The following NBDY variants were observed in gnomAD, a reference collection of about 807,000 sequenced individuals.
NBDY encodes the protein negative regulator of P-body association.
intron 2 of NBDY, among the ~76,000 whole-genome samples, chrX:56,754,448 T>G (rs1310533002): frequency 9.0e-6 from 1 of 111,511 alleles, no homozygotes; most frequent in East Asian, 2.8e-4. Flanking sequence ...CCATGGAACA[T>G]TCTCCAGGAT....
In NBDY at chrX:56,818,471, TA is replaced by T. The variant is rs1464486096; in HGVS notation, c.*1319del. The stretch of plus-strand genomic sequence containing the variant: ...AGTTATTTTAAAGATTGTATAATAT[TA>T]CTAATCACACATTAGAGTTTTAAAA... On this transcript the variant is annotated 3_prime_UTR_variant, in exon 3 of 3. Coordinates refer to ENST00000374922, the MANE Select transcript of NBDY (RefSeq NM_001348129.2). 1.8e-5 allele frequency: 2 copies of T among 112,063 alleles called. No individual in the cohort carries two copies. The highest frequency in any genetic ancestry group is 3.8e-5 in the Non-Finnish European group (2 of 53,180). 9.2% of individuals were successfully genotyped at this position (112,063 alleles called of 1,213,427 possible). A position where few individuals can be genotyped will look rare whatever the true frequency, so the allele number is the denominator to read the frequency against.
intron 2 of NBDY, among the ~76,000 whole-genome samples, chrX:56,784,308 A>G (rs1341496370): frequency 8.9e-6 from 1 of 111,760 alleles, no homozygotes; most frequent in East Asian, 2.8e-4. Flanking sequence ...ATGGAGCAGC[A>G]AGGAGTTTGG....
At chrX:56,805,809 G>A (rs762133315) in intron 2 of NBDY, among the ~76,000 whole-genome samples, 1 of 111,803 alleles carries the variant, frequency 8.9e-6, no homozygotes, top group Non-Finnish European at 1.9e-5. Flanking sequence ...TACTTTTGGA[G>A]TTTTTCTCCC....
chrX:56,738,482 A>T (rs2069509283), intron 2 of NBDY, among the ~76,000 whole-genome samples: 1 of 112,148 alleles, frequency 8.9e-6, no homozygotes, highest in African/African-American at 3.2e-5. Context: ...GCTTAGTCCC[A>T]CGAGACTGCC....
At chrX:56,799,368 C>T (rs1025405901) in intron 2 of NBDY, among the ~76,000 whole-genome samples, 2 of 113,241 alleles carry the variant, frequency 1.8e-5, no homozygotes, top group African/African-American at 6.4e-5. Context: ...GCCCCAGTCT[C>T]GGCAGTCAGT....
At chrX:56,781,143 A>C (rs1312805455) in intron 2 of NBDY, among the ~76,000 whole-genome samples, 1 of 111,092 alleles carries the variant, frequency 9.0e-6, no homozygotes, top group African/African-American at 3.3e-5. Flanking sequence ...AACATCAATC[A>C]CGTCTGAACT....
chrX:56,786,092 T>C (rs1385170065), intron 2 of NBDY, among the ~76,000 whole-genome samples: 1 of 111,418 alleles, frequency 9.0e-6, no homozygotes, highest in Non-Finnish European at 1.9e-5. Flanking sequence ...TTTTCTCTGG[T>C]GTCTGATTCA....
chrX:56,756,698 C>A (rs2069613009), intron 2 of NBDY, among the ~76,000 whole-genome samples: 3 of 112,030 alleles, frequency 2.7e-5, no homozygotes, highest in African/African-American at 6.5e-5. Context: ...GGCACAGTTG[C>A]TCACTCCTGT....
intron 2 of NBDY, among the ~76,000 whole-genome samples, chrX:56,741,882 G>A (rs1430854907): frequency 9.0e-6 from 1 of 111,413 alleles, no homozygotes; most frequent in African/African-American, 3.3e-5. Flanking sequence ...TTTGCTTGTG[G>A]GGTATTAATT....
intron 2 of NBDY, among the ~76,000 whole-genome samples, 186 bp from the exon 3 acceptor site, chrX:56,817,134 G>C (rs1268766511): frequency 9.0e-6 from 1 of 111,549 alleles, no homozygotes; most frequent in Non-Finnish European, 1.9e-5. Context: ...AAAAGATGCA[G>C]GTTATTGACA....
At chrX:56,767,514 G>C (rs761714246) in intron 2 of NBDY, among the ~76,000 whole-genome samples, 16 of 112,712 alleles carry the variant, frequency 1.4e-4, no homozygotes, top group African/African-American at 4.5e-4. Context: ...GCGGTAACAC[G>C]AGCTACTCGC....
In NBDY at chrX:56,767,484, G is replaced by C. The variant is rs768456230; in HGVS notation, c.*166+35285G>C. Among the ~76,000 whole-genome samples, 341 of 113,152 alleles carry C rather than the reference G, an allele frequency of 3.0e-3. 1 individual carries two copies. The highest frequency in any genetic ancestry group is 0.011 in the African/African-American group (331 of 31,234). On this transcript the variant is annotated intron_variant, in intron 2 of 2. Transcript: ENST00000374922. Reference sequence around the variant, plus strand: ...GCCGGCTCCCTCAGCTTGCGGGGAGGTGTGGAGGGAGAGCCGCGGGCGGTA... The same window carrying C: ...GCCGGCTCCCTCAGCTTGCGGGGAGCTGTGGAGGGAGAGCCGCGGGCGGTA...
At chrX:56,783,347 G>A (rs1356328531) in intron 2 of NBDY, among the ~76,000 whole-genome samples, 1 of 113,201 alleles carries the variant, frequency 8.8e-6, no homozygotes, top group African/African-American at 3.2e-5. Flanking sequence ...GGGTGGATAG[G>A]GGCTTTCTTG....
chrX:56,730,513 C>CAAAAAAAAAAAAAAAAAAAAAAAAAAAA (rs1157131797), intron 1 of NBDY, among the ~76,000 whole-genome samples: 1 of 11,207 alleles, frequency 8.9e-5, no homozygotes, highest in Non-Finnish European at 1.7e-4. Context: ...AACTACGTCT[C>CAAAAAAAAAAAAAAAAAAAAAAAAAAAA]AAAAAAAAAA....
At chrX:56,794,063 CACCCTGTGGGTTG>C (rs775548554) in intron 2 of NBDY, among the ~76,000 whole-genome samples, 4 of 112,429 alleles carry the variant, frequency 3.6e-5, no homozygotes, top group African/African-American at 1.3e-4. Flanking sequence ...GGGGCAGCTC[CACCCTGTGGGTTG>C]ACTGGTCTGC....
intron 2 of NBDY, among the ~76,000 whole-genome samples, chrX:56,781,480 C>T (rs1465831074): frequency 1.8e-5 from 2 of 111,545 alleles, no homozygotes; most frequent in Admixed American, 9.5e-5. Flanking sequence ...TTTCTTCTGG[C>T]TGGCGCCTTA....
Position 56,747,789 on chromosome X carries a change from T to G in NBDY, c.*166+15590T>G, listed in dbSNP as rs886645817. ...GACAAAAAGTGATGAAGGCTTGAAC[T>G]CAGCCAATGGTAGTTGGGATGGAGC... On this transcript the variant is annotated intron_variant, in intron 2 of 2. Transcript: ENST00000374922. Among the ~76,000 whole-genome samples, 5 of 112,048 alleles carry G rather than the reference T, an allele frequency of 4.5e-5. No homozygotes were observed. The Admixed American group carries it at 4.7e-4, about 11-fold the overall frequency.
chrX:56,798,504 G>GT (rs2069805145), intron 2 of NBDY, among the ~76,000 whole-genome samples: 1 of 111,735 alleles, frequency 8.9e-6, no homozygotes, highest in Non-Finnish European at 1.9e-5. Flanking sequence ...CTGTTGAGCA[G>GT]TCTGCCCGTT....
At chrX:56,795,819 G>C (rs772743884) in intron 2 of NBDY, among the ~76,000 whole-genome samples, 11 of 112,602 alleles carry the variant, frequency 9.8e-5, no homozygotes, top group Non-Finnish European at 1.9e-4. Context: ...CCCTGCCTAG[G>C]GAAAACGCGA....
Sources: gnomAD v4.1 joint callset for allele counts (sites outside exome capture counted in the v4.1 genomes callset) on GRCh38, gnomAD v4.1.1 for gene constraint, MANE v1.5 for transcripts, NCBI Gene and HGNC (gene_info 2026-07-23, HGNC 2026-07-21) for gene names.